The following OPA1 variants were observed in gnomAD, a reference collection of about 807,000 sequenced individuals.
OPA1 encodes OPA1 mitochondrial dynamin like GTPase, also known as dynamin-like GTPase OPA1, mitochondrial.
Under a neutral mutation model 152.9 loss-of-function variants are expected in OPA1, and 59 were observed. That is an observed-to-expected ratio of 0.39 (90% CI 0.31 to 0.48). The LOEUF (loss-of-function observed/expected upper bound fraction) is 0.48, where lower values mean the gene tolerates loss of function less well. OPA1 is among the 20% of genes least tolerant of loss of function. OPA1 has a pLI of 0.96. For missense variants in OPA1, 1,008 were observed against 1,216.8 expected, an observed-to-expected ratio of 0.83 and a Z score of 2.55; for synonymous variants, 400 against 389.9, an observed-to-expected ratio of 1.03 and a Z score of -0.31.
chr3:193,680,708 A>T (rs759119267), intron 29 of OPA1, among the ~76,000 whole-genome samples: 2 of 152,254 alleles, frequency 1.3e-5, no homozygotes, highest in Non-Finnish European at 2.9e-5. Context: ...GAATTTTTAA[A>T]GCATTTAATT....
At chr3:193,628,036 T>C (rs1731443165) in intron 7 of OPA1, among the ~76,000 whole-genome samples, 1 of 152,112 alleles carries the variant, frequency 6.6e-6, no homozygotes, top group South Asian at 2.1e-4. Flanking sequence ...TACCTTACAA[T>C]ATCCTCCACT....
At chr3:193,668,856 T>C (rs1309645337) in intron 29 of OPA1, 9 of 1,071,816 alleles carry the variant, frequency 8.4e-6, no homozygotes, top group Non-Finnish European at 1.0e-5. Flanking sequence ...TAAAATTTAC[T>C]TAGATCTTTG....
At chr3:193,643,258 C>A (rs1347532181) in intron 13 of OPA1, 115 bp from the exon 14 acceptor site, 4 of 899,584 alleles carry the variant, frequency 4.4e-6, no homozygotes, top group African/African-American at 1.7e-5. Flanking sequence ...TTTTTGTGAG[C>A]GTCTTATCTG....
At chr3:193,657,764 C>T (rs1336492455) in intron 23 of OPA1, among the ~76,000 whole-genome samples, 1 of 152,154 alleles carries the variant, frequency 6.6e-6, no homozygotes, top group African/African-American at 2.4e-5. Flanking sequence ...TCTCTAATGG[C>T]AAAGCCTGGT....
chr3:193,659,433 G>A (rs374629202), intron 24 of OPA1, 49 bp from the exon 25 acceptor site: 59 of 1,363,498 alleles, frequency 4.3e-5, no homozygotes, highest in Admixed American at 9.2e-5. Flanking sequence ...GTTATAATTT[G>A]TGTGTGTGTA....
At chr3:193,665,980 A>G (rs925622812) in intron 27 of OPA1, among the ~76,000 whole-genome samples, 2 of 152,200 alleles carry the variant, frequency 1.3e-5, no homozygotes, top group African/African-American at 4.8e-5. Context: ...CTAAATATAA[A>G]TGGAGGGTAT....
At chr3:193,622,226 CTTTTTTT>C (rs758993120) in intron 6 of OPA1, among the ~76,000 whole-genome samples, 12 of 107,916 alleles carry the variant, frequency 1.1e-4, no homozygotes, top group African/African-American at 4.6e-4. Flanking sequence ...TACTCTCATT[CTTTTTTT>C]TTTTTTTTTT....
chr3:193,675,339 A>AC (rs66992310), intron 29 of OPA1, among the ~76,000 whole-genome samples: 2 of 51,008 alleles, frequency 3.9e-5, no homozygotes, highest in East Asian at 4.3e-4. Context: ...AAAAAAAAAA[A>AC]AAAAAAAAAA....
intron 29 of OPA1, among the ~76,000 whole-genome samples, chr3:193,678,126 T>A (rs1719492265): frequency 1.3e-5 from 2 of 152,224 alleles, no homozygotes; most frequent in South Asian, 4.1e-4. Context: ...ATTCTCTAGT[T>A]TCAATATTCT....
At chr3:193,664,839 G>A (rs1716151611) in intron 26 of OPA1, 41 bp from the exon 27 acceptor site, 2 of 1,048,750 alleles carry the variant, frequency 1.9e-6, no homozygotes, top group East Asian at 4.8e-5. Context: ...TCAACATGAA[G>A]AATATACAGT....
At chr3:193,692,644 ACTTT>A (rs1211069327) in intron 30 of OPA1, among the ~76,000 whole-genome samples, 1 of 152,178 alleles carries the variant, frequency 6.6e-6, no homozygotes, top group Non-Finnish European at 1.5e-5. Flanking sequence ...CCTTGAATTT[ACTTT>A]CTTGTCTGAT....
At chr3:193,657,613 G>T (rs758438662) in intron 23 of OPA1, among the ~76,000 whole-genome samples, 2 of 152,134 alleles carry the variant, frequency 1.3e-5, no homozygotes, top group Non-Finnish European at 2.9e-5. Context: ...AATGTTAGAC[G>T]CCTAAAATCA....
intron 29 of OPA1, among the ~76,000 whole-genome samples, chr3:193,683,162 A>T (rs560963610): frequency 6.6e-5 from 10 of 152,278 alleles, no homozygotes; most frequent in Non-Finnish European, 1.2e-4. Context: ...GTAACTGCAG[A>T]TATGGTAGAG....
intron 8 of OPA1, 146 bp from the exon 9 acceptor site, chr3:193,635,272 C>T: frequency 5.4e-6 from 3 of 559,060 alleles, no homozygotes; most frequent in Non-Finnish European, 6.4e-6. Context: ...TATTTTATTC[C>T]TAATGTTTTC....
At chr3:193,608,720 C>T (rs925952290) in intron 1 of OPA1, among the ~76,000 whole-genome samples, 59 of 151,484 alleles carry the variant, frequency 3.9e-4, no homozygotes, top group African/African-American at 9.5e-4. Flanking sequence ...GTATTAGGTC[C>T]GCTTGGTGCA....
intron 1 of OPA1, among the ~76,000 whole-genome samples, chr3:193,595,436 T>G (rs1244857660): frequency 6.6e-6 from 1 of 152,242 alleles, no homozygotes; most frequent in Non-Finnish European, 1.5e-5. Flanking sequence ...GGGAAACCTA[T>G]TTTGCATCAT....
intron 1 of OPA1, among the ~76,000 whole-genome samples, chr3:193,601,010 A>G (rs1428824532): frequency 6.6e-6 from 1 of 152,190 alleles, no homozygotes; most frequent in African/African-American, 2.4e-5. Flanking sequence ...ATAGGCCTCC[A>G]GCTTGAGCAA....
intron 1 of OPA1, among the ~76,000 whole-genome samples, chr3:193,597,384 G>A (rs757107264): frequency 1.4e-4 from 22 of 152,066 alleles, no homozygotes; most frequent in Non-Finnish European, 2.6e-4. Context: ...GAGCTGTTTC[G>A]CTGAAGTGAT....
At chr3:193,677,815 C>G (rs1160244074) in intron 29 of OPA1, among the ~76,000 whole-genome samples, 1 of 152,186 alleles carries the variant, frequency 6.6e-6, no homozygotes, top group African/African-American at 2.4e-5. Flanking sequence ...ACGATGTGCT[C>G]TATCTTAAAA....
Sources: gnomAD v4.1 joint callset for allele counts (sites outside exome capture counted in the v4.1 genomes callset) on GRCh38, gnomAD v4.1.1 for gene constraint, MANE v1.5 for transcripts, NCBI Gene and HGNC (gene_info 2026-07-23, HGNC 2026-07-21) for gene names.